ACOT1: variants seen among roughly 807,000 people sequenced by gnomAD.
ACOT1 encodes acyl-coenzyme A thioesterase 1.
ACOT1 carries 8 observed loss-of-function variants against 15.7 expected under a neutral mutation model. The observed-to-expected ratio is 0.51, with a 90% confidence interval of 0.30 to 0.92. ACOT1 has a LOEUF of 0.92. Among genes scored for constraint, ACOT1 ranks in the 40% least tolerant of loss-of-function variants. The probability of loss-of-function intolerance (pLI) is 0.06; values close to 1 mark genes in which losing one functional copy is unlikely to be tolerated. For synonymous variants in ACOT1, 67 were observed against 241.2 expected, an observed-to-expected ratio of 0.28 and a Z score of 6.69; for missense variants, 151 against 539.4, an observed-to-expected ratio of 0.28 and a Z score of 7.13.
the ACOT1 span, chr14:73,528,880 AAG>A: frequency 6.6e-6 from 1 of 152,200 alleles, no homozygotes; most frequent in Non-Finnish European, 1.5e-5. Flanking sequence ...CAGCAATTAA[AAG>A]AGAGGGTGCT....
At chr14:73,534,138 T>C (rs1482865213), upstream of ACOT1, among the ~76,000 whole-genome samples, 1 of 110,502 alleles carries the variant, frequency 9.0e-6, no homozygotes, top group Non-Finnish European at 1.9e-5. Context: ...CCCAGCACTT[T>C]GGGAGGCTGA....
At chr14:73,507,055 G>A in the ACOT1 span, among the ~76,000 whole-genome samples, 234 of 151,682 alleles carry the variant, frequency 1.5e-3, 1 homozygote, top group African/African-American at 5.4e-3. Context: ...TGCCTGCCTC[G>A]GCCTCCCAAA....
the ACOT1 span, among the ~76,000 whole-genome samples, chr14:73,528,753 T>C: frequency 0.036 from 5,497 of 152,290 alleles, 638 homozygotes; most frequent in East Asian, 0.45. Flanking sequence ...AATATATGTG[T>C]GAGGAATTGT....
At chr14:73,501,150 G>A in the ACOT1 span, among the ~76,000 whole-genome samples, 73 of 152,026 alleles carry the variant, frequency 4.8e-4, no homozygotes, top group Non-Finnish European at 9.1e-4. Flanking sequence ...ATGGAGTCTC[G>A]CTCTGTTGCC....
At chr14:73,503,174 G>A in the ACOT1 span, among the ~76,000 whole-genome samples, 1 of 152,240 alleles carries the variant, frequency 6.6e-6, no homozygotes, top group South Asian at 2.1e-4. Flanking sequence ...ATCCAGTGGG[G>A]CAGATATTAC....
At chr14:73,502,939 C>T in the ACOT1 span, 34 of 1,614,052 alleles carry the variant, frequency 2.1e-5, no homozygotes, top group Middle Eastern at 1.6e-4. Context: ...TTTGCCCAAG[C>T]GCCTGTGCAG....
chr14:73,507,367 C>G, the ACOT1 span, among the ~76,000 whole-genome samples: 6 of 152,294 alleles, frequency 3.9e-5, no homozygotes, highest in Middle Eastern at 6.8e-3. Context: ...TTTACTCATG[C>G]TTATTCTACG....
At chr14:73,490,963 C>T in the ACOT1 span, 1 of 1,295,206 alleles carries the variant, frequency 7.7e-7, no homozygotes. Flanking sequence ...CATTCAGGAA[C>T]CGCTTTAGCT....
the ACOT1 span, chr14:73,522,230 C>T: frequency 6.3e-7 from 1 of 1,579,054 alleles, no homozygotes; most frequent in Non-Finnish European, 8.6e-7. Flanking sequence ...AAAGGGGAGT[C>T]AGGGATTATC....
chr14:73,492,550 C>T, the ACOT1 span: 2 of 1,613,796 alleles, frequency 1.2e-6, no homozygotes, highest in Non-Finnish European at 1.7e-6. This position sits in a 1 kb window ranked among gnomAD's most constrained non-coding sequence, Gnocchi z 4.9. Flanking sequence ...ATTCTCTGCC[C>T]CCTGTTTTGA....
At chr14:73,509,856 A>ATTT in the ACOT1 span, among the ~76,000 whole-genome samples, 1 of 61,344 alleles carries the variant, frequency 1.6e-5, no homozygotes, top group African/African-American at 6.9e-5. Flanking sequence ...ATATATATAT[A>ATTT]TATATATATA....
chr14:73,512,199 A>G, the ACOT1 span: 12 of 1,602,864 alleles, frequency 7.5e-6, no homozygotes, highest in Non-Finnish European at 9.4e-6. Context: ...TTAGGGTTAG[A>G]TATTGTGCTG....
the ACOT1 span, among the ~76,000 whole-genome samples, chr14:73,515,452 G>T: frequency 6.6e-6 from 1 of 151,956 alleles, no homozygotes; most frequent in Non-Finnish European, 1.5e-5. Flanking sequence ...GGCCAAAGCG[G>T]GTGGATCACT....
At chr14:73,530,349 C>G in the ACOT1 span, 5 of 137,702 alleles carry the variant, frequency 3.6e-5, no homozygotes, top group African/African-American at 1.3e-4. Flanking sequence ...TCTGCATTTT[C>G]ACAAGCTCTC....
At position 73,542,866 on chromosome 14, in the gene ACOT1, G is replaced by C. The variant is rs1199082235; in HGVS notation, c.661-184G>C. Among the ~76,000 whole-genome samples the C allele has an allele frequency of 2.7e-5, 3 of 112,502 alleles. 1 individual carries two copies. Among genetic ancestry groups the C allele is most frequent in the African/African-American group, 9.0e-5 (3 of 33,210 alleles). The allele number at this position is 112,502 out of a possible 152,430, so 73.8% of individuals were successfully genotyped here. On this transcript the variant is annotated intron_variant, in intron 2 of 2. Transcript: ENST00000311148. ...TTCCACATGGTTATCACCAAGAGTG[G>C]TGATGGACAAATTGTGGAAAGGAAG... is the stretch of plus-strand genomic sequence containing the variant.
the ACOT1 span, among the ~76,000 whole-genome samples, chr14:73,515,145 C>A: frequency 3.3e-5 from 5 of 151,614 alleles, no homozygotes; most frequent in South Asian, 2.1e-4. Context: ...ATTTAGAAAG[C>A]CTCTTTCTCA....
At chr14:73,491,560 G>T in the ACOT1 span, 29 of 1,539,538 alleles carry the variant, frequency 1.9e-5, no homozygotes, top group Non-Finnish European at 2.5e-5. Context: ...AGCCGGCCTG[G>T]GACTCCCCGC....
the ACOT1 span, chr14:73,496,716 C>A: frequency 8.6e-7 from 1 of 1,165,758 alleles, no homozygotes; most frequent in South Asian, 1.2e-5. Flanking sequence ...TTATTCTACC[C>A]TGCCCTTTAA....
At chr14:73,517,078 C>T in the ACOT1 span, among the ~76,000 whole-genome samples, 2 of 152,000 alleles carry the variant, frequency 1.3e-5, no homozygotes, top group Admixed American at 6.5e-5. Flanking sequence ...GCCAGGAGTT[C>T]GAGACCAGTC....
Sources: allele counts gnomAD v4.1 joint callset (sites outside exome capture counted in the v4.1 genomes callset), GRCh38; gene constraint gnomAD v4.1.1; non-coding constraint Gnocchi (gnomAD v3.1); transcripts MANE v1.5; gene names NCBI Gene and HGNC (gene_info 2026-07-23, HGNC 2026-07-21).